The following ARHGEF2 variants were observed in gnomAD, a reference collection of about 807,000 sequenced individuals.
The protein encoded by ARHGEF2 is Rho/Rac guanine nucleotide exchange factor 2.
Under a neutral mutation model 121.0 loss-of-function variants are expected in ARHGEF2, and 22 were observed. The observed-to-expected ratio is 0.18, with a 90% CI of 0.13 to 0.26. ARHGEF2 has a LOEUF of 0.26. ARHGEF2 is among the 10% of genes least tolerant of loss of function. The probability of loss-of-function intolerance (pLI) is 1.00; values close to 1 mark genes in which losing one functional copy is unlikely to be tolerated. For synonymous variants in ARHGEF2, 487 were observed against 530.0 expected (o/e 0.92, Z 1.11); for missense variants, 907 against 1,336.0 (o/e 0.68, Z 5.01).
rs1678136230 is a variant in ARHGEF2 at position 155,962,362 on chromosome 1, C to T, written c.1102-140G>A. ...CATATCTGGAAAATGGGGATAACAACGCCACAGGTTTGTTGTGAGGACCAA... is the reference window on the plus strand; with the variant it reads ...CATATCTGGAAAATGGGGATAACAATGCCACAGGTTTGTTGTGAGGACCAA... On this transcript the variant is annotated intron_variant, in intron 9 of 21. Transcript: ENST00000361247. This position sits in a 1 kb window ranked among gnomAD's most constrained non-coding sequence, Gnocchi z 5.8. The T allele has an allele frequency of 9.6e-6, 10 of 1,045,606 alleles. 1 individual carries two copies. Among genetic ancestry groups the T allele is most frequent in the South Asian group, 4.6e-5 (3 of 65,460 alleles). 64.8% of individuals were successfully genotyped at this position (1,045,606 alleles called of 1,614,324 possible).
rs1249940685 is a variant in ARHGEF2, at chr1:155,961,835, C to A, written c.1294G>T (p.Gly432Cys). 4 of 1,614,182 alleles carry A rather than the reference C, an allele frequency of 2.5e-6. No homozygotes were observed. The highest frequency in any genetic ancestry group is 3.4e-6 in the Non-Finnish European group (4 of 1,180,032). Residue 432 changes from glycine to cysteine, a missense_variant, in exon 11 of 22, where the codon GGT (glycine) becomes TGT (cysteine). Physicochemically the swap from Gly to Cys is radical, Grantham distance 159. Coordinates refer to ENST00000361247, the MANE Select transcript of ARHGEF2 (RefSeq NM_001162383.2). The surrounding 1 kb of genome is among the most constrained non-coding windows in gnomAD (Gnocchi z 4.7). ...VKELLSNVDEGIYQLEKGARL... is the reference protein window; with the variant it reads ...VKELLSNVDECIYQLEKGARL... The stretch of plus-strand genomic sequence containing the variant: ...GCCCCTTTCTCCAGCTGATAAATAC[C>A]CTCGTCCACATTGGACAGCAGCTCC...
intron 1 of ARHGEF2, among the ~76,000 whole-genome samples, chr1:155,976,510 CCAAAAA>C (rs1019291626): frequency 4.0e-5 from 6 of 149,684 alleles, no homozygotes; most frequent in South Asian, 4.3e-4. Context: ...CCCCCCACCA[CCAAAAA>C]CAAAAACAAA....
At chr1:155,956,975 C>T (rs931818431) in intron 13 of ARHGEF2, among the ~76,000 whole-genome samples, 21 of 148,768 alleles carry the variant, frequency 1.4e-4, no homozygotes, top group Admixed American at 1.0e-3. Flanking sequence ...GCAGGAGAAT[C>T]GCTTGAATCC....
At chr1:155,958,967 C>T (rs905634014) in intron 11 of ARHGEF2, among the ~76,000 whole-genome samples, 1 of 151,864 alleles carries the variant, frequency 6.6e-6, no homozygotes, top group Non-Finnish European at 1.5e-5. Flanking sequence ...GACAAAACAG[C>T]GTTGTGGGCT....
At chr1:155,958,908 G>T (rs965079096) in intron 11 of ARHGEF2, among the ~76,000 whole-genome samples, 1 of 126,316 alleles carries the variant, frequency 7.9e-6, no homozygotes, top group African/African-American at 2.9e-5. Flanking sequence ...AAACAGTGTG[G>T]GTGGGGGGTG....
intron 13 of ARHGEF2, among the ~76,000 whole-genome samples, chr1:155,955,478 G>T (rs1676473608): frequency 6.6e-6 from 1 of 152,048 alleles, no homozygotes; most frequent in Non-Finnish European, 1.5e-5. Context: ...CTCTCCAAAG[G>T]TCGCTTGGAA....
chr1:155,979,492 T>C (rs1164891751), upstream of ARHGEF2, among the ~76,000 whole-genome samples: 1 of 152,198 alleles, frequency 6.6e-6, no homozygotes, highest in Non-Finnish European at 1.5e-5. Flanking sequence ...CCTCCTCCAG[T>C]CTAACTATGA....
chr1:155,951,416 C>T lies in ARHGEF2; in HGVS notation c.2259+67G>A, dbSNP rs1045089502. 1.3e-6 allele frequency: 2 copies of T among 1,599,588 alleles called. No homozygotes were observed. Among genetic ancestry groups the T allele is most frequent in the Non-Finnish European group, 1.7e-6 (2 of 1,167,408 alleles). On this transcript the variant is annotated intron_variant, in intron 19 of 21. Coordinates refer to ENST00000361247, the MANE Select transcript of ARHGEF2 (RefSeq NM_001162383.2). This position sits in a 1 kb window ranked among gnomAD's most constrained non-coding sequence, Gnocchi z 5.1. ...AGAAAGGCCTGTTGGGATGACCATG[C>T]CCCACCTAAACAGGCATCTCTAGCC... is the stretch of plus-strand genomic sequence containing the variant.
chr1:155,964,157 AAAAAAAAAAAATATATATATATAT>A (rs1230695821), intron 7 of ARHGEF2, among the ~76,000 whole-genome samples: 2 of 74,898 alleles, frequency 2.7e-5, no homozygotes, highest in African/African-American at 6.5e-5. Context: ...AAAAAAAAAA[AAAAAAAAAAAATATATATATATAT>A]ATATATATAT....
chr1:155,965,298 C>T lies in ARHGEF2; in HGVS notation c.580+5G>A. The stretch of plus-strand genomic sequence containing the variant: ...CAGGGCTCCCCTGGGCCCAGGCCTG[C>T]TCACCTTCGTCAATGAGGGATTCCA... On this transcript the variant is annotated splice_donor_5th_base_variant and intron_variant, in intron 6 of 21. Transcript: ENST00000361247. The surrounding 1 kb of genome is among the most constrained non-coding windows in gnomAD (Gnocchi z 6.0). The T allele has an allele frequency of 1.2e-6, 2 of 1,613,982 alleles. No individual in the cohort carries two copies. The highest frequency in any genetic ancestry group is 1.6e-4 in the Middle Eastern group (1 of 6,062).
chr1:155,970,260 A>G (rs906780171), intron 1 of ARHGEF2: 1 of 985,060 alleles, frequency 1.0e-6, no homozygotes, highest in Non-Finnish European at 1.2e-6. Context: ...TCTGAGCCGC[A>G]TTTTCCATCT....
intron 1 of ARHGEF2, among the ~76,000 whole-genome samples, chr1:155,977,495 A>G (rs1681506986): frequency 6.6e-6 from 1 of 152,140 alleles, no homozygotes; most frequent in South Asian, 2.1e-4. Flanking sequence ...AGACGAGCAG[A>G]TAAGAGAATG....
chr1:155,964,167 A>ATATATATATGT lies in ARHGEF2; in HGVS notation c.724+820_724+821insACATATATATA, dbSNP rs1449851145. Among the ~76,000 whole-genome samples, 136 of 91,200 alleles carry ATATATATATGT rather than the reference A, an allele frequency of 1.5e-3. 5 individuals are homozygous for ATATATATATGT. In the South Asian group the frequency reaches 0.032, roughly 21 times the overall value. The allele number at this position is 91,200 out of a possible 152,430, so 59.8% of individuals were successfully genotyped here. ...TTCAAAAAAAAAAAAAAAAAAAAAAAATATATATATATATATATATATATA... is the reference window on the plus strand; with the variant it reads ...TTCAAAAAAAAAAAAAAAAAAAAAAATATATATATGTATATATATATATATATATATATATA... On this transcript the variant is annotated intron_variant, in intron 7 of 21. Transcript: ENST00000361247.
chr1:155,951,804 C>G lies in ARHGEF2; in HGVS notation c.2173-28G>C, dbSNP rs756491839. ...GCAGAAATGGGCAAGAATGGGGAGTCAGCAGGCACACAAATCCTGGGTGCC... is the reference window on the plus strand; with the variant it reads ...GCAGAAATGGGCAAGAATGGGGAGTGAGCAGGCACACAAATCCTGGGTGCC... On this transcript the variant is annotated intron_variant, in intron 17 of 21. Coordinates refer to ENST00000361247, the MANE Select transcript of ARHGEF2 (RefSeq NM_001162383.2). This position sits in a 1 kb window ranked among gnomAD's most constrained non-coding sequence, Gnocchi z 5.1. 6.2e-7 allele frequency: 1 copy of G among 1,613,554 alleles called. No homozygotes were observed. Among genetic ancestry groups the G allele is most frequent in the Non-Finnish European group, 8.5e-7 (1 of 1,179,990 alleles).
At chr1:155,963,209 C>T (rs201439301) in intron 7 of ARHGEF2, 26 bp from the exon 8 acceptor site, 259 of 1,598,482 alleles carry the variant, frequency 1.6e-4, no homozygotes, top group Non-Finnish European at 2.2e-4. Context: ...GGACATTTGG[C>T]CTCTACCCTG....
In ARHGEF2 at chr1:155,969,808, G is replaced by A. The variant is rs1045668756; in HGVS notation, c.64-508C>T. ...GCTGTCTCTGTGGCAGTCACAGTGG[G>A]GGGGGCAGGAGATCCCCTTATTAGA... On this transcript the variant is annotated intron_variant, in intron 1 of 21. Transcript: ENST00000361247. The A allele has an allele frequency of 2.2e-5, 22 of 987,058 alleles. No homozygotes were observed. In the South Asian group the frequency reaches 7.9e-4, roughly 36 times the overall value. 61.1% of individuals were successfully genotyped at this position (987,058 alleles called of 1,614,324 possible). A position where few individuals can be genotyped will look rare whatever the true frequency, so the allele number is the denominator to read the frequency against.
chr1:155,966,338 T>G, intron 4 of ARHGEF2, 78 bp downstream of exon 4: 4 of 1,406,210 alleles, frequency 2.8e-6, no homozygotes, highest in Non-Finnish European at 4.0e-6. Context: ...ACAACCTTAG[T>G]GGGGCAGCAG....
chr1:155,972,776 A>C (rs1415404436), intron 1 of ARHGEF2, among the ~76,000 whole-genome samples: 3 of 150,570 alleles, frequency 2.0e-5, no homozygotes, highest in Non-Finnish European at 4.4e-5. Flanking sequence ...ATCATGGCTC[A>C]CCGCAGCCTT....
intron 13 of ARHGEF2, among the ~76,000 whole-genome samples, chr1:155,955,271 C>T (rs911521983): frequency 3.9e-5 from 6 of 152,010 alleles, no homozygotes; most frequent in South Asian, 2.1e-4. Flanking sequence ...ATTACAGGCA[C>T]GCACCACCAT....
Sources: allele counts gnomAD v4.1 joint callset (sites outside exome capture counted in the v4.1 genomes callset), GRCh38; gene constraint gnomAD v4.1.1; non-coding constraint Gnocchi (gnomAD v3.1); transcripts MANE v1.5; gene names NCBI Gene and HGNC (gene_info 2026-07-23, HGNC 2026-07-21).